KCNQ3: variants seen among roughly 807,000 people sequenced by gnomAD.
The protein encoded by KCNQ3 is potassium voltage-gated channel subfamily KQT member 3.
A neutral mutation model predicts 92.5 loss-of-function variants in KCNQ3; 30 were observed. That is an observed-to-expected ratio of 0.32 (90% CI 0.24 to 0.44). The LOEUF (loss-of-function observed/expected upper bound fraction) is 0.44, where lower values mean the gene tolerates loss of function less well. Ranked by LOEUF, KCNQ3 falls within the 20% of genes least tolerant of loss-of-function variation. The pLI, the probability that KCNQ3 is intolerant of heterozygous loss-of-function variation, is 1.00. For missense variants in KCNQ3, 913 were observed against 1,140.3 expected, an observed-to-expected ratio of 0.80 and a Z score of 2.87; for synonymous variants, 450 against 468.8, an observed-to-expected ratio of 0.96 and a Z score of 0.52.
chr8:132,301,767 G>A (rs893462790), intron 1 of KCNQ3, among the ~76,000 whole-genome samples: 9 of 152,126 alleles, frequency 5.9e-5, no homozygotes, highest in African/African-American at 2.2e-4. Context: ...GGATGGGGAT[G>A]CGAGACAGTT....
chr8:132,131,397 G>A (rs970248057), intron 14 of KCNQ3, among the ~76,000 whole-genome samples: 13 of 152,108 alleles, frequency 8.5e-5, no homozygotes, highest in African/African-American at 2.4e-4. Flanking sequence ...GTGAGTGAGC[G>A]GGTTTCTCTT....
intron 1 of KCNQ3, among the ~76,000 whole-genome samples, chr8:132,204,249 C>T (rs566228078): frequency 6.6e-6 from 1 of 152,330 alleles, no homozygotes; most frequent in Non-Finnish European, 1.5e-5. Flanking sequence ...GCAGATCCTG[C>T]ATCTCCAACA....
chr8:132,310,471 A>T (rs1454913723), intron 1 of KCNQ3, among the ~76,000 whole-genome samples: 1 of 152,172 alleles, frequency 6.6e-6, no homozygotes, highest in East Asian at 1.9e-4. Flanking sequence ...GGACCTGGGC[A>T]AGGGTAACCT....
At chr8:132,306,344 C>A (rs890406384) in intron 1 of KCNQ3, among the ~76,000 whole-genome samples, 1 of 152,190 alleles carries the variant, frequency 6.6e-6, no homozygotes, top group Non-Finnish European at 1.5e-5. Context: ...ACTAACGTAT[C>A]TTCTTTACTC....
intron 1 of KCNQ3, among the ~76,000 whole-genome samples, chr8:132,457,920 G>A (rs1821977901): frequency 6.6e-6 from 1 of 152,158 alleles, no homozygotes; most frequent in Non-Finnish European, 1.5e-5. Flanking sequence ...TCCCACATCT[G>A]ACAGCAGAGC....
At chr8:132,170,162 C>T (rs975250894) in intron 8 of KCNQ3, among the ~76,000 whole-genome samples, 172 bp downstream of exon 8, 5 of 152,076 alleles carry the variant, frequency 3.3e-5, no homozygotes, top group South Asian at 2.1e-4. Context: ...TGTGAGCCAC[C>T]GCGCCCAGCC....
rs1244220001 is a variant in KCNQ3, at chr8:132,262,444, A to C, written c.387-76263T>G. On this transcript the variant is annotated intron_variant, in intron 1 of 14. Transcript: ENST00000388996. The stretch of plus-strand genomic sequence containing the variant: ...AAAGATCTCAGCAATCAAGGTAAAT[A>C]ATATTTTAATGCAATAACATCTCGA... Among the ~76,000 whole-genome samples the C allele has an allele frequency of 2.6e-5, 4 of 152,328 alleles. No homozygotes were observed. In the East Asian group the frequency reaches 7.7e-4, roughly 29 times the overall value.
chr8:132,383,619 G>A (rs1819813668), intron 1 of KCNQ3, among the ~76,000 whole-genome samples: 1 of 152,188 alleles, frequency 6.6e-6, no homozygotes, highest in South Asian at 2.1e-4. Flanking sequence ...AACACTGGAG[G>A]GACAGACAGG....
chr8:132,439,428 A>G (rs1424634872), intron 1 of KCNQ3, among the ~76,000 whole-genome samples: 2 of 152,156 alleles, frequency 1.3e-5, no homozygotes, highest in African/African-American at 4.8e-5. Flanking sequence ...TCTCACTGAG[A>G]AAGAAGGTGC....
intron 1 of KCNQ3, chr8:132,321,385 C>T (rs181057914): frequency 6.6e-6 from 1 of 152,600 alleles, no homozygotes; most frequent in East Asian, 1.9e-4. Flanking sequence ...TGTAGAAGCC[C>T]TTGGTGGATC....
chr8:132,170,521 G>C lies in KCNQ3; in HGVS notation c.1141-93C>G, dbSNP rs1225199008. ...CCAACAAAACAATGTTTAAGCCCTG[G>C]ACTCCTAAGAATTTGAATGTGCATT... On this transcript the variant is annotated intron_variant, in intron 7 of 14. Transcript: ENST00000388996. The C allele has an allele frequency of 1.2e-5, 10 of 813,378 alleles. No homozygotes were observed. The African/African-American group carries it at 1.7e-4, about 14-fold the overall frequency. 50.4% of individuals were successfully genotyped at this position (813,378 alleles called of 1,614,324 possible).
chr8:132,327,360 A>G (rs1269718696), intron 1 of KCNQ3, among the ~76,000 whole-genome samples: 1 of 152,182 alleles, frequency 6.6e-6, no homozygotes, highest in Non-Finnish European at 1.5e-5. Context: ...GTTAGGTGCT[A>G]TCATTATCCC....
intron 12 of KCNQ3, 122 bp from the exon 13 acceptor site, chr8:132,134,510 G>T: frequency 1.4e-5 from 10 of 735,156 alleles, no homozygotes; most frequent in Middle Eastern, 6.9e-4. Flanking sequence ...GAGAGGAGAG[G>T]AGAGGAGAAG....
rs1824564971 is a variant in KCNQ3 at position 132,123,578 on chromosome 8, G to A, written c.*5684C>T. ...CAATCGTGATGCTTTGATTTCACTT[G>A]GTATTTTACTTTTAGTTTTGTCTCT... On this transcript the variant is annotated 3_prime_UTR_variant, in exon 15 of 15. Transcript: ENST00000388996. 1 of 152,088 alleles carries A rather than the reference G, an allele frequency of 6.6e-6. No homozygotes were observed. Among genetic ancestry groups the A allele is most frequent in the Admixed American group, 6.6e-5 (1 of 15,262 alleles). The allele number at this position is 152,088 out of a possible 1,614,324, so 9.4% of individuals were successfully genotyped here. A position where few individuals can be genotyped will look rare whatever the true frequency, so the allele number is the denominator to read the frequency against.
chr8:132,184,440 G>A (rs1243071893), intron 2 of KCNQ3, 73 bp from the exon 3 acceptor site: 6 of 1,582,028 alleles, frequency 3.8e-6, no homozygotes, highest in African/African-American at 1.3e-5. Context: ...ATTTCTATTC[G>A]GAAGTTCTGA....
chr8:132,439,682 T>C (rs2130835466), intron 1 of KCNQ3, among the ~76,000 whole-genome samples: 1 of 152,090 alleles, frequency 6.6e-6, no homozygotes, highest in East Asian at 1.9e-4. Context: ...GCTTTCATGA[T>C]GGTAGAAGGA....
chr8:132,471,460 G>T (rs1822298040), intron 1 of KCNQ3, among the ~76,000 whole-genome samples: 1 of 152,178 alleles, frequency 6.6e-6, no homozygotes, highest in South Asian at 2.1e-4. Flanking sequence ...CAAGAAGGCA[G>T]CAGATTAGAT....
chr8:132,394,831 C>T (rs1218701436), intron 1 of KCNQ3, among the ~76,000 whole-genome samples: 7 of 152,312 alleles, frequency 4.6e-5, no homozygotes, highest in Non-Finnish European at 1.0e-4. Flanking sequence ...TGCCAAAAGC[C>T]AGTGAGTGCG....
At chr8:132,162,034 A>C (rs138448719) in intron 9 of KCNQ3, among the ~76,000 whole-genome samples, 1 of 152,308 alleles carries the variant, frequency 6.6e-6, no homozygotes, top group Non-Finnish European at 1.5e-5. Context: ...GAGCCACCAA[A>C]CACCCAGCAA....
Sources: allele counts gnomAD v4.1 joint callset (sites outside exome capture counted in the v4.1 genomes callset), GRCh38; gene constraint gnomAD v4.1.1; transcripts MANE v1.5; gene names NCBI Gene and HGNC (gene_info 2026-07-23, HGNC 2026-07-21).